The following RNF123 variants were observed in gnomAD, a reference collection of about 807,000 sequenced individuals.
RNF123 encodes the protein E3 ubiquitin-protein ligase RNF123.
A neutral mutation model predicts 168.5 loss-of-function variants in RNF123; 86 were observed. The ratio of observed to expected loss-of-function variants is 0.51; its 90% CI spans 0.43 to 0.61. The LOEUF (loss-of-function observed/expected upper bound fraction) is 0.61, where lower values mean the gene tolerates loss of function less well. Ranked by LOEUF, RNF123 falls within the 20% of genes least tolerant of loss-of-function variation. The pLI is 0.00. For synonymous variants in RNF123, 666 were observed against 689.1 expected (o/e 0.97, Z 0.52); for missense variants, 1,419 against 1,729.7 (o/e 0.82, Z 3.19).
chr3:49,718,444 T>C, intron 35 of RNF123: 1 of 1,612,992 alleles, frequency 6.2e-7, no homozygotes, highest in Non-Finnish European at 8.5e-7. Flanking sequence ...CTCCTGTACG[T>C]TGCCTATGGC....
rs1183160618 is a variant in RNF123, at chr3:49,691,196, T to G, written c.31T>G (p.Ser11Ala). Residue 11 changes from serine (S) to alanine (A), a missense_variant, in exon 2 of 39, where the codon TCC becomes GCC. By Grantham distance (99) the Ser-to-Ala change is moderately conservative. This residue lies in a region of RNF123 where 318 missense variants were observed against 446.6 expected (regional missense o/e 0.71). Coordinates refer to ENST00000327697, the MANE Select transcript of RNF123 (RefSeq NM_022064.5). ...ATCCAAGGGGGCCGGCATGTCTTTC[T>G]CCCGCAAGAGCTATAGGCTGACCTC... MASKGAGMSF[S>A]RKSYRLTSDA... 2 of 1,613,794 alleles carry G rather than the reference T, an allele frequency of 1.2e-6. No individual in the cohort carries two copies. Among genetic ancestry groups the G allele is most frequent in the Non-Finnish European group, 1.7e-6 (2 of 1,179,846 alleles).
rs2080386351 is a variant in RNF123 at position 49,720,745 on chromosome 3, A to C, written c.3644-55A>C. 2.5e-6 allele frequency: 4 copies of C among 1,612,196 alleles called. 1 individual carries two copies. The Admixed American group carries it at 5.0e-5, about 20-fold the overall frequency. Reference sequence around the variant, plus strand: ...GCAAAGTCCTAGGCTGGGAATATTCAAGAGGCATCACATCCTCAGCTACCT... The same window carrying C: ...GCAAAGTCCTAGGCTGGGAATATTCCAGAGGCATCACATCCTCAGCTACCT... On this transcript the variant is annotated intron_variant, in intron 36 of 38. Transcript: ENST00000327697.
Position 49,699,391 on chromosome 3 carries a change from G to C in RNF123, c.765-77G>C, listed in dbSNP as rs1274635491. On this transcript the variant is annotated intron_variant, in intron 10 of 38. Coordinates refer to ENST00000327697, the MANE Select transcript of RNF123 (RefSeq NM_022064.5). The surrounding 1 kb of genome is among the most constrained non-coding windows in gnomAD (Gnocchi z 4.8). ...GCCCTGCCCTAGAGCCCAGGCCCCG[G>C]GGTGGGGGGTGGGCAGTGGAGAGGG... 1.2e-5 allele frequency: 15 copies of C among 1,287,216 alleles called. No homozygotes were observed. In the East Asian group the frequency reaches 3.8e-4, roughly 33 times the overall value. 79.7% of individuals were successfully genotyped at this position (1,287,216 alleles called of 1,614,324 possible). A position where few individuals can be genotyped will look rare whatever the true frequency, so the allele number is the denominator to read the frequency against.
At chr3:49,716,837 A>G in intron 35 of RNF123, 1 of 230,516 alleles carries the variant, frequency 4.3e-6, no homozygotes, top group Non-Finnish European at 8.7e-6. Flanking sequence ...CATTGTCTGC[A>G]AAGGCTCTAG....
At chr3:49,705,705 G>T in intron 24 of RNF123, 26 bp downstream of exon 24, 1 of 1,613,814 alleles carries the variant, frequency 6.2e-7, no homozygotes, top group Non-Finnish European at 8.5e-7. Flanking sequence ...ACCCCGCATT[G>T]GGTGGCGGGT....
chr3:49,701,146 G>T (rs577323475), intron 15 of RNF123, among the ~76,000 whole-genome samples: 1 of 152,336 alleles, frequency 6.6e-6, no homozygotes, highest in East Asian at 1.9e-4. Context: ...CTTGGTCTGG[G>T]GTCTTCCAGC....
At chr3:49,717,431 T>C (rs1432502103) in intron 35 of RNF123, 1 of 167,524 alleles carries the variant, frequency 6.0e-6, no homozygotes, top group Non-Finnish European at 1.3e-5. Context: ...GGGCGAGATC[T>C]TCCTTCAGAG....
intron 26 of RNF123, among the ~76,000 whole-genome samples, chr3:49,708,080 G>A (rs1241417291): frequency 3.3e-5 from 5 of 151,886 alleles, no homozygotes; most frequent in African/African-American, 9.7e-5. Flanking sequence ...TCTGTCTCCC[G>A]GGTTCAAGCA....
At position 49,717,933 on chromosome 3, in the gene RNF123, G is replaced by T. The variant is rs377076534; in HGVS notation, c.3500+1456G>T. The T allele has an allele frequency of 2.1e-5, 34 of 1,600,316 alleles. No homozygotes were observed. The South Asian group carries it at 3.1e-4, about 15-fold the overall frequency. The stretch of plus-strand genomic sequence containing the variant: ...GCAGCAAGAGGGTGGGGGCCTGGGT[G>T]GGGGAGCCCTGGGCAGTCTAGGTTG... On this transcript the variant is annotated intron_variant, in intron 35 of 38. Coordinates refer to ENST00000327697, the MANE Select transcript of RNF123 (RefSeq NM_022064.5).
intron 24 of RNF123, 144 bp downstream of exon 24, chr3:49,705,823 C>A: frequency 6.9e-7 from 1 of 1,443,510 alleles, no homozygotes; most frequent in Non-Finnish European, 9.5e-7. Context: ...CTGGTTTCTG[C>A]TCCTGCTGCC....
chr3:49,698,144 G>T lies in RNF123; in HGVS notation c.483+7G>T, dbSNP rs757581420. ...CTGCCGCTTCAACCAGGAGGTACACGTTGGGGAGGGGACCCCTCCCTGGGC... is the reference window on the plus strand; with the variant it reads ...CTGCCGCTTCAACCAGGAGGTACACTTTGGGGAGGGGACCCCTCCCTGGGC... On this transcript the variant is annotated splice_region_variant and intron_variant, in intron 7 of 38. Transcript: ENST00000327697. 2 of 1,612,592 alleles carry T rather than the reference G, an allele frequency of 1.2e-6. No individual in the cohort carries two copies. Among genetic ancestry groups the T allele is most frequent in the African/African-American group, 1.3e-5 (1 of 74,836 alleles).
Position 49,716,168 on chromosome 3 carries a change from C to T in RNF123, c.3406C>T (p.Arg1136Trp), listed in dbSNP as rs369412191. ...CCTGTTTGATCGTGTGGTCACCCTA[C>T]GGCTGCCTGGTGAGGACCTAGATGC... ...RNLFDRVVTL[R>W]LPGLESVDHY... The change falls in exon 34 of 39, where the codon CGG becomes TGG. Residue 1136 changes from arginine to tryptophan, a missense_variant. Coordinates refer to ENST00000327697, the MANE Select transcript of RNF123 (RefSeq NM_022064.5). 15 of 1,613,380 alleles carry T rather than the reference C, an allele frequency of 9.3e-6. No homozygotes were observed. The highest frequency in any genetic ancestry group is 1.6e-4 in the Middle Eastern group (1 of 6,084).
At chr3:49,702,833 C>T in intron 20 of RNF123, 80 bp downstream of exon 20, 1 of 1,591,006 alleles carries the variant, frequency 6.3e-7, no homozygotes, top group Non-Finnish European at 8.6e-7. Context: ...GTGCAGAGTG[C>T]TGAGCTGAGG....
chr3:49,702,142 G>A lies in RNF123; in HGVS notation c.1555G>A (p.Gly519Arg). Residue 519 changes from glycine to arginine, a missense_variant and splice_region_variant, in exon 18 of 39, where the codon GGG becomes AGG. Gly to Arg is a moderately radical substitution (Grantham distance 125). Coordinates refer to ENST00000327697, the MANE Select transcript of RNF123 (RefSeq NM_022064.5). ...KLLLDNKDDN[G>R]GEASRYIFLT... ...GCTGCTGGACAATAAAGATGACAAT[G>A]GGGTGAGTGACTCCCAGGAGCCCTG... 6.2e-7 allele frequency: 1 copy of A among 1,614,074 alleles called. No individual in the cohort carries two copies. The highest frequency in any genetic ancestry group is 1.3e-5 in the African/African-American group (1 of 75,050).
At chr3:49,708,970 A>T (rs574216359) in intron 26 of RNF123, among the ~76,000 whole-genome samples, 2 of 151,890 alleles carry the variant, frequency 1.3e-5, no homozygotes, top group African/African-American at 2.4e-5. Flanking sequence ...TTTAATTTTA[A>T]TTTTTTATTT....
rs1370604144 is a variant in RNF123 at position 49,720,848 on chromosome 3, T to G, written c.3692T>G (p.Leu1231Arg). Residue 1231 changes from leucine to arginine, a missense_variant, in exon 37 of 39, where the codon CTG becomes CGG. Around this residue, in one of 5 missense-constraint regions of RNF123, gnomAD observed 164 missense variants for 152.3 expected, o/e 1.08. Coordinates refer to ENST00000327697, the MANE Select transcript of RNF123 (RefSeq NM_022064.5). ...ADELAQVEQMLAHLTSASAQA... is the reference protein window; with the variant it reads ...ADELAQVEQMRAHLTSASAQA... ...GAGCTGGCCCAAGTGGAACAGATGCTGGCGCACCTGACCTCTGCATCTGCC... is the reference window on the plus strand; with the variant it reads ...GAGCTGGCCCAAGTGGAACAGATGCGGGCGCACCTGACCTCTGCATCTGCC... 1 of 1,614,200 alleles carries G rather than the reference T, an allele frequency of 6.2e-7. No individual in the cohort carries two copies. Among genetic ancestry groups the G allele is most frequent in the East Asian group, 2.2e-5 (1 of 44,888 alleles).
intron 35 of RNF123, chr3:49,719,433 G>T: frequency 6.2e-7 from 1 of 1,613,498 alleles, no homozygotes. Flanking sequence ...GCAGCATGCA[G>T]AGCAGTGTCC....
In RNF123 at chr3:49,704,771, G is replaced by C. The variant is rs200258927; in HGVS notation, c.1959+15G>C. On this transcript the variant is annotated intron_variant, in intron 22 of 38. Coordinates refer to ENST00000327697, the MANE Select transcript of RNF123 (RefSeq NM_022064.5). ...CTATGGCCCAGGTGCCGCAGTGGGGGCAGGCGGTGGGATTTGTGTTGGGCT... is the reference window on the plus strand; with the variant it reads ...CTATGGCCCAGGTGCCGCAGTGGGGCCAGGCGGTGGGATTTGTGTTGGGCT... The C allele has an allele frequency of 2.4e-3, 3,791 of 1,558,270 alleles. 2 individuals carry two copies. Among genetic ancestry groups the C allele is most frequent in the Non-Finnish European group, 3.1e-3 (3,549 of 1,150,726 alleles).
At chr3:49,697,811 G>T in intron 5 of RNF123, 74 bp from the exon 6 acceptor site, 2 of 1,578,034 alleles carry the variant, frequency 1.3e-6, no homozygotes, top group Non-Finnish European at 1.7e-6. Flanking sequence ...CTCAGTTGGG[G>T]ATGGGGTCTT....
Sources: gnomAD v4.1 joint callset for allele counts (sites outside exome capture counted in the v4.1 genomes callset) on GRCh38, gnomAD v4.1.1 for gene constraint, gnomAD v4.1.1 regional missense constraint, Gnocchi (gnomAD v3.1) non-coding constraint, MANE v1.5 for transcripts, NCBI Gene and HGNC (gene_info 2026-07-23, HGNC 2026-07-21) for gene names.